Variants in FNDC3A observed in about 807,000 individuals in gnomAD.
FNDC3A encodes fibronectin type III domain containing 3A.
In FNDC3A, 32 loss-of-function variants were observed where a neutral mutation model predicts 148.9. The observed-to-expected ratio is 0.21, with a 90% CI of 0.16 to 0.29. FNDC3A has a LOEUF of 0.29. Ranked by LOEUF, FNDC3A falls within the 10% of genes least tolerant of loss-of-function variation. The pLI, the probability that FNDC3A is intolerant of heterozygous loss-of-function variation, is 1.00. For missense variants in FNDC3A, 1,191 were observed against 1,452.8 expected, an observed-to-expected ratio of 0.82 and a Z score of 2.93; for synonymous variants, 472 against 473.6, an observed-to-expected ratio of 1.00 and a Z score of 0.04.
intron 2 of FNDC3A, among the ~76,000 whole-genome samples, chr13:49,047,274 A>G (rs1380106970): frequency 6.6e-6 from 1 of 152,122 alleles, no homozygotes; most frequent in Non-Finnish European, 1.5e-5. Context: ...GTGCTGCTAT[A>G]AACATGCATG....
chr13:48,994,671 C>T (rs761258882), intron 1 of FNDC3A, among the ~76,000 whole-genome samples: 12 of 151,732 alleles, frequency 7.9e-5, no homozygotes, highest in Non-Finnish European at 1.3e-4. Flanking sequence ...CCAGCTACTC[C>T]GGAGGCTGAG....
intron 1 of FNDC3A, among the ~76,000 whole-genome samples, chr13:48,999,205 GAAGGCAGGAC>G (rs1198478980): frequency 1.3e-5 from 2 of 152,170 alleles, no homozygotes; most frequent in African/African-American, 4.8e-5. Context: ...TCAGTATCTG[GAAGGCAGGAC>G]CATCACCCCA....
At chr13:49,028,833 G>A (rs925873775) in intron 2 of FNDC3A, among the ~76,000 whole-genome samples, 1 of 152,182 alleles carries the variant, frequency 6.6e-6, no homozygotes, top group Non-Finnish European at 1.5e-5. Flanking sequence ...GAAATGGAAG[G>A]TATGAACGAC....
chr13:48,996,629 C>A (rs764239915), intron 1 of FNDC3A, among the ~76,000 whole-genome samples: 1 of 152,154 alleles, frequency 6.6e-6, no homozygotes, highest in Non-Finnish European at 1.5e-5. Context: ...TGGATTTTGG[C>A]ATCTTTGGGG....
intron 3 of FNDC3A, among the ~76,000 whole-genome samples, chr13:49,099,068 C>T (rs1879703949): frequency 6.6e-6 from 1 of 152,064 alleles, no homozygotes; most frequent in African/African-American, 2.4e-5. Flanking sequence ...GTAAGGGGAC[C>T]TTATATCCCA....
intron 4 of FNDC3A, among the ~76,000 whole-genome samples, chr13:49,116,504 T>A (rs1880968837): frequency 6.6e-6 from 1 of 152,160 alleles, no homozygotes; most frequent in Non-Finnish European, 1.5e-5. Flanking sequence ...GGATAAACTC[T>A]ATAATGTTTG....
At chr13:49,142,819 A>C (rs1429105473) in intron 7 of FNDC3A, among the ~76,000 whole-genome samples, 1 of 152,202 alleles carries the variant, frequency 6.6e-6, no homozygotes, top group Non-Finnish European at 1.5e-5. Flanking sequence ...ATCCCAATGT[A>C]GTCACTCTTT....
chr13:49,114,381 G>A (rs1307399189), intron 3 of FNDC3A, among the ~76,000 whole-genome samples: 2 of 150,432 alleles, frequency 1.3e-5, no homozygotes, highest in Non-Finnish European at 3.0e-5. Context: ...AGGAGAGCCT[G>A]TTAATATGTT....
intron 8 of FNDC3A, among the ~76,000 whole-genome samples, chr13:49,153,130 C>G (rs913630485): frequency 1.3e-5 from 2 of 151,950 alleles, no homozygotes; most frequent in African/African-American, 4.9e-5. Context: ...TTTACAGTCC[C>G]AACAACAATG....
chr13:49,116,101 T>C (rs1226877010), intron 4 of FNDC3A, among the ~76,000 whole-genome samples: 1 of 152,190 alleles, frequency 6.6e-6, no homozygotes, highest in Non-Finnish European at 1.5e-5. Context: ...ACAAGTTCTT[T>C]CAGTGCACTT....
intron 7 of FNDC3A, among the ~76,000 whole-genome samples, chr13:49,143,366 A>C (rs888280546): frequency 6.6e-6 from 1 of 152,152 alleles, no homozygotes; most frequent in Non-Finnish European, 1.5e-5. Context: ...CTCAATAAAA[A>C]AATAATAATA....
intron 1 of FNDC3A, among the ~76,000 whole-genome samples, chr13:49,005,613 C>G (rs1249542728): frequency 6.6e-6 from 1 of 151,822 alleles, no homozygotes; most frequent in Non-Finnish European, 1.5e-5. Flanking sequence ...AAGGTTCTTA[C>G]CCTAATCCTG....
intron 5 of FNDC3A, among the ~76,000 whole-genome samples, chr13:49,135,999 CTG>C (rs906484329): frequency 6.4e-4 from 97 of 152,204 alleles, no homozygotes; most frequent in African/African-American, 2.3e-3. Flanking sequence ...AGAAAAAGAA[CTG>C]TGGACTGCTC....
Position 49,015,861 on chromosome 13 carries a change from C to G in FNDC3A, c.99+9572C>G, listed in dbSNP as rs540127430. ...CCTTTTCTGCATCTATTGAGATAAT[C>G]ATGTGGTTTTTGTCTTTGGTTCTGT... On this transcript the variant is annotated intron_variant, in intron 2 of 25. Coordinates refer to ENST00000492622, the MANE Select transcript of FNDC3A (RefSeq NM_001079673.2). 7.2e-5 allele frequency among the ~76,000 whole-genome samples: 11 copies of G among 151,770 alleles called. No individual in the cohort carries two copies. The East Asian group carries it at 1.7e-3, about 24-fold the overall frequency.
intron 2 of FNDC3A, among the ~76,000 whole-genome samples, chr13:49,054,510 C>T (rs1876082655): frequency 6.6e-6 from 1 of 152,168 alleles, no homozygotes; most frequent in African/African-American, 2.4e-5. Flanking sequence ...CATGCATGTC[C>T]CTGCTCCAGG....
At chr13:49,163,620 C>G (rs1326847962) in intron 8 of FNDC3A, among the ~76,000 whole-genome samples, 1 of 152,176 alleles carries the variant, frequency 6.6e-6, no homozygotes, top group African/African-American at 2.4e-5. Flanking sequence ...TGCTTTGGCT[C>G]ACACTCCTTG....
At chr13:49,015,085 C>G (rs185555000) in intron 2 of FNDC3A, among the ~76,000 whole-genome samples, 3 of 152,292 alleles carry the variant, frequency 2.0e-5, no homozygotes, top group East Asian at 3.9e-4. Flanking sequence ...GATGCGGTCT[C>G]TTTTTAGGTT....
Position 49,028,332 on chromosome 13 carries a change from C to G in FNDC3A, c.99+22043C>G, listed in dbSNP as rs141279439. Among the ~76,000 whole-genome samples the G allele has an allele frequency of 1.8e-3, 271 of 152,154 alleles. 2 individuals carry two copies. Among genetic ancestry groups the G allele is most frequent in the African/African-American group, 6.2e-3 (258 of 41,502 alleles). On this transcript the variant is annotated intron_variant, in intron 2 of 25. Transcript: ENST00000492622. ...GAAGTGCAGTGGTGCCATTGTAGCC[C>G]TGAGCTCAAGTGATTCTCCTACCTC...
chr13:49,016,459 A>G (rs140748305), intron 2 of FNDC3A, among the ~76,000 whole-genome samples: 3,002 of 151,938 alleles, frequency 0.02, 108 homozygotes, highest in African/African-American at 0.068. Flanking sequence ...CCCCTTTATC[A>G]TTTTTTATTG....
Sources: gnomAD v4.1 joint callset for allele counts (sites outside exome capture counted in the v4.1 genomes callset) on GRCh38, gnomAD v4.1.1 for gene constraint, MANE v1.5 for transcripts, NCBI Gene and HGNC (gene_info 2026-07-23, HGNC 2026-07-21) for gene names.